Variants in RB1 observed in about 807,000 individuals in gnomAD.
RB1 encodes RB transcriptional corepressor 1.
A neutral mutation model predicts 135.4 loss-of-function variants in RB1; 18 were observed. The ratio of observed to expected loss-of-function variants is 0.13; its 90% CI spans 0.09 to 0.20. RB1 has a LOEUF of 0.20. Among genes scored for constraint, RB1 ranks in the 10% least tolerant of loss-of-function variants. The pLI is 1.00. For synonymous variants in RB1, 365 were observed against 373.2 expected (o/e 0.98, Z 0.25); for missense variants, 868 against 1,110.0 (o/e 0.78, Z 3.10).
At chr13:48,325,844 G>A in intron 2 of RB1, among the ~76,000 whole-genome samples, 1 of 152,104 alleles carries the variant, frequency 6.6e-6, no homozygotes, top group East Asian at 1.9e-4. Flanking sequence ...TACTTTTATA[G>A]TGTAGATTCC....
chr13:48,321,392 T>TC (rs1952239049), intron 2 of RB1, among the ~76,000 whole-genome samples: 1 of 137,542 alleles, frequency 7.3e-6, no homozygotes, highest in Non-Finnish European at 1.6e-5. Context: ...GGGCCCCGCC[T>TC]CCCCGCGCGC....
chr13:48,442,560 A>T (rs1949248723), intron 17 of RB1, among the ~76,000 whole-genome samples: 1 of 152,240 alleles, frequency 6.6e-6, no homozygotes, highest in African/African-American at 2.4e-5. Flanking sequence ...AAACTCTTTA[A>T]CAAGGTTTTT....
chr13:48,314,590 A>T (rs1448855631), intron 2 of RB1, among the ~76,000 whole-genome samples: 1 of 152,162 alleles, frequency 6.6e-6, no homozygotes, highest in African/African-American at 2.4e-5. Flanking sequence ...ACTTGAGGTC[A>T]GGAATTTGAG....
Position 48,480,262 on chromosome 13 carries a change from T to C in RB1, c.*191T>C, listed in dbSNP as rs1175349461. 2 of 599,032 alleles carry C rather than the reference T, an allele frequency of 3.3e-6. No individual in the cohort carries two copies. Among genetic ancestry groups the C allele is most frequent in the Non-Finnish European group, 6.0e-6 (2 of 332,414 alleles). 37.1% of individuals were successfully genotyped at this position (599,032 alleles called of 1,614,324 possible). A position where few individuals can be genotyped will look rare whatever the true frequency, so the allele number is the denominator to read the frequency against. ...CCACTTGAAATGTTAGTCATTGTTA[T>C]TTATACAAGATTGAAAATCTTGTGT... On this transcript the variant is annotated 3_prime_UTR_variant, in exon 27 of 27. Transcript: ENST00000267163.
chr13:48,323,169 G>A (rs1330398868), intron 2 of RB1, among the ~76,000 whole-genome samples: 4 of 152,006 alleles, frequency 2.6e-5, no homozygotes, highest in Non-Finnish European at 5.9e-5. Flanking sequence ...TCTGTGGAAA[G>A]TTTCAAAATT....
At chr13:48,408,545 A>G (rs1014302326) in intron 17 of RB1, 4 of 152,174 alleles carry the variant, frequency 2.6e-5, no homozygotes, top group Non-Finnish European at 4.4e-5. Context: ...AAGTAAAATC[A>G]TCAGAGTTCT....
At chr13:48,472,391 T>C (rs1035863950) in intron 23 of RB1, among the ~76,000 whole-genome samples, 1 of 152,240 alleles carries the variant, frequency 6.6e-6, no homozygotes, top group East Asian at 1.9e-4. Context: ...TTTGGTGTTC[T>C]TGTAGTTGGA....
intron 6 of RB1, among the ~76,000 whole-genome samples, chr13:48,355,524 A>T (rs1477492959): frequency 6.6e-6 from 1 of 152,032 alleles, no homozygotes; most frequent in East Asian, 1.9e-4. Flanking sequence ...TTCTCAAAAA[A>T]ATTAAAAATT....
intron 17 of RB1, among the ~76,000 whole-genome samples, chr13:48,396,484 ACAAAAATTAACT>A: frequency 6.6e-6 from 1 of 152,340 alleles, no homozygotes; most frequent in African/African-American, 2.4e-5. Flanking sequence ...TACACCTTAT[ACAAAAATTAACT>A]CAAAATGGAT....
chr13:48,475,359 T>C (rs1297947909), intron 24 of RB1, among the ~76,000 whole-genome samples: 1 of 3,776 alleles, frequency 2.6e-4, no homozygotes, highest in African/African-American at 3.1e-4. Context: ...TCAGTTGGGC[T>C]GGGCCTGCAG....
chr13:48,422,284 G>A (rs947604905), intron 17 of RB1, among the ~76,000 whole-genome samples: 1 of 152,044 alleles, frequency 6.6e-6, no homozygotes, highest in Non-Finnish European at 1.5e-5. Context: ...ACCAAACACC[G>A]CATGTTCTCA....
intron 2 of RB1, among the ~76,000 whole-genome samples, chr13:48,312,259 T>G (rs916486132): frequency 6.6e-6 from 1 of 152,206 alleles, no homozygotes; most frequent in African/African-American, 2.4e-5. Context: ...GTAATCAGCA[T>G]TCATTAAAAA....
intron 3 of RB1, among the ~76,000 whole-genome samples, chr13:48,343,513 T>C (rs1254982228): frequency 3.3e-5 from 5 of 152,326 alleles, no homozygotes; most frequent in Non-Finnish European, 5.9e-5. Flanking sequence ...TTTGTAAATA[T>C]ACAAAATAAT....
chr13:48,351,674 G>C (rs960491868), intron 6 of RB1, among the ~76,000 whole-genome samples: 3 of 151,164 alleles, frequency 2.0e-5, no homozygotes. Context: ...CTATGTCTAG[G>C]ATCTATTTTT....
chr13:48,356,119 T>G (rs1318205187), intron 6 of RB1, among the ~76,000 whole-genome samples: 2 of 152,208 alleles, frequency 1.3e-5, no homozygotes, highest in Non-Finnish European at 2.9e-5. Flanking sequence ...TACCCCATTC[T>G]GCATAATGTG....
chr13:48,319,667 C>T lies in RB1; in HGVS notation c.264+12261C>T, dbSNP rs918584180. The T allele has an allele frequency of 6.7e-5, 17 of 253,128 alleles. No homozygotes were observed. The highest frequency in any genetic ancestry group is 1.2e-4 in the Non-Finnish European group (15 of 122,286). The allele number at this position is 253,128 out of a possible 1,614,324, so 15.7% of individuals were successfully genotyped here. ...CGCCCTTCAGACCCTGCCGATGCGC[C>T]ACCTTTGCGGCTAGCTCTTCGTGGG... On this transcript the variant is annotated intron_variant, in intron 2 of 26. Coordinates refer to ENST00000267163, the MANE Select transcript of RB1 (RefSeq NM_000321.3). This position sits in a 1 kb window ranked among gnomAD's most constrained non-coding sequence, Gnocchi z 5.0.
At chr13:48,471,852 A>C (rs1049694761) in intron 23 of RB1, among the ~76,000 whole-genome samples, 7 of 152,100 alleles carry the variant, frequency 4.6e-5, no homozygotes, top group Non-Finnish European at 1.0e-4. Flanking sequence ...GATTACTGTC[A>C]ATTAAGTCTT....
At chr13:48,460,457 TA>T (rs966924691) in intron 20 of RB1, among the ~76,000 whole-genome samples, 1 of 151,984 alleles carries the variant, frequency 6.6e-6, no homozygotes. Flanking sequence ...ATCTTACCTG[TA>T]AAAAAAATAG....
chr13:48,367,684 T>C, intron 10 of RB1, 81 bp downstream of exon 10: 1 of 1,466,220 alleles, frequency 6.8e-7, no homozygotes, highest in Non-Finnish European at 9.2e-7. Flanking sequence ...GTCTTTAGCT[T>C]AGTGACCTTT....
Sources: allele counts gnomAD v4.1 joint callset (sites outside exome capture counted in the v4.1 genomes callset), GRCh38; gene constraint gnomAD v4.1.1; non-coding constraint Gnocchi (gnomAD v3.1); transcripts MANE v1.5; gene names NCBI Gene and HGNC (gene_info 2026-07-23, HGNC 2026-07-21).